C3orf49: variants seen among roughly 807,000 people sequenced by gnomAD.
C3orf49 encodes chromosome 3 open reading frame 49, also known as putative uncharacterized protein C3orf49.
Under a neutral mutation model 13.3 loss-of-function variants are expected in C3orf49, and 27 were observed. The observed-to-expected ratio is 2.02, with a 90% CI of 1.49 to 2.79. C3orf49 has a LOEUF of 2.79. Among genes scored for constraint, C3orf49 ranks in the 30% most tolerant of loss-of-function variants. C3orf49 has a pLI of 0.00. For synonymous variants in C3orf49, 87 were observed against 47.6 expected, an observed-to-expected ratio of 1.83 and a Z score of -3.40; for missense variants, 242 against 134.2, an observed-to-expected ratio of 1.80 and a Z score of -3.97.
At chr3:63,822,229 C>G (rs1464031624) in intron 1 of C3orf49, among the ~76,000 whole-genome samples, 1 of 152,186 alleles carries the variant, frequency 6.6e-6, no homozygotes, top group East Asian at 1.9e-4. Flanking sequence ...CCTGCTTCGG[C>G]CTCCCAAAGT....
intron 5 of C3orf49, chr3:63,836,459 G>A: frequency 9.4e-7 from 1 of 1,064,418 alleles, no homozygotes; most frequent in African/African-American, 1.6e-5. Context: ...CACTTTCCTA[G>A]TACATCAAGA....
the C3orf49 span, among the ~76,000 whole-genome samples, chr3:63,791,178 CA>C: frequency 5.3e-5 from 8 of 152,124 alleles, no homozygotes; most frequent in East Asian, 1.5e-3. Flanking sequence ...ACAAAAATGG[CA>C]AAAAGGTATC....
At chr3:63,792,135 C>T in the C3orf49 span, among the ~76,000 whole-genome samples, 1 of 152,188 alleles carries the variant, frequency 6.6e-6, no homozygotes, top group Admixed American at 6.5e-5. Flanking sequence ...AATGATTTAG[C>T]AATGGCATGA....
the C3orf49 span, chr3:63,805,096 TTAA>T: frequency 6.6e-6 from 1 of 152,184 alleles, no homozygotes; most frequent in Non-Finnish European, 1.5e-5. Context: ...AGGATTTGCA[TTAA>T]TAATAACAGG....
the C3orf49 span, among the ~76,000 whole-genome samples, chr3:63,790,432 T>C: frequency 2.0e-5 from 3 of 152,218 alleles, no homozygotes; most frequent in African/African-American, 7.2e-5. Flanking sequence ...ACCTTGGCTA[T>C]ACAATAGAAC....
upstream of C3orf49, among the ~76,000 whole-genome samples, chr3:63,817,806 C>A (rs1003177173): frequency 2.0e-5 from 3 of 152,102 alleles, no homozygotes; most frequent in African/African-American, 7.3e-5. Flanking sequence ...CACACAGAGA[C>A]ATGTACATAG....
chr3:63,833,283 G>T (rs1393598488), intron 5 of C3orf49, among the ~76,000 whole-genome samples: 2 of 151,956 alleles, frequency 1.3e-5, no homozygotes, highest in Non-Finnish European at 2.9e-5. Context: ...TTTTTTAGTA[G>T]AGATGGGGTT....
chr3:63,802,273 T>C, the C3orf49 span, among the ~76,000 whole-genome samples: 2 of 152,220 alleles, frequency 1.3e-5, no homozygotes, highest in Non-Finnish European at 2.9e-5. Context: ...TGGTTTTTGT[T>C]TGACTGCCTG....
intron 5 of C3orf49, chr3:63,834,146 C>A (rs1231991851): frequency 6.8e-6 from 11 of 1,613,992 alleles, no homozygotes; most frequent in African/African-American, 2.7e-5. Context: ...GGCTTAGGAT[C>A]TGTTTCCATG....
At chr3:63,835,330 T>C in intron 5 of C3orf49, 1 of 1,613,604 alleles carries the variant, frequency 6.2e-7, no homozygotes, top group Non-Finnish European at 8.5e-7. Flanking sequence ...ATACCTTATC[T>C]TCAACACTTT....
the C3orf49 span, among the ~76,000 whole-genome samples, chr3:63,806,721 C>T: frequency 6.6e-6 from 1 of 152,104 alleles, no homozygotes; most frequent in Non-Finnish European, 1.5e-5. Flanking sequence ...TTTTAACTTC[C>T]TAACATTCTA....
chr3:63,845,125 C>A, intron 6 of C3orf49, 43 bp downstream of exon 6: 3 of 672,808 alleles, frequency 4.5e-6, no homozygotes, highest in African/African-American at 1.8e-5. Context: ...GTACTATCTC[C>A]TTCATGTAGC....
At chr3:63,839,221 G>A (rs888239062) in intron 5 of C3orf49, among the ~76,000 whole-genome samples, 2 of 152,100 alleles carry the variant, frequency 1.3e-5, no homozygotes, top group African/African-American at 2.4e-5. Flanking sequence ...ACGTGTGTGC[G>A]TGTGTATCAG....
the C3orf49 span, among the ~76,000 whole-genome samples, chr3:63,797,373 G>T: frequency 9.5e-4 from 144 of 152,210 alleles, 6 homozygotes; most frequent in South Asian, 0.03. Flanking sequence ...GTAGGCCTTT[G>T]TCCTGCAGAA....
the C3orf49 span, among the ~76,000 whole-genome samples, chr3:63,807,897 G>GAAATAAAT: frequency 1.4e-4 from 19 of 131,442 alleles, no homozygotes; most frequent in Non-Finnish European, 3.0e-4. Context: ...GAAAGAAAGA[G>GAAATAAAT]AAATAAATAA....
At chr3:63,819,074 G>T (rs1391010453), upstream of C3orf49, among the ~76,000 whole-genome samples, 1 of 152,168 alleles carries the variant, frequency 6.6e-6, no homozygotes, top group Non-Finnish European at 1.5e-5. Context: ...GAATGTGGTG[G>T]TCAATTAGTG....
At chr3:63,817,393 T>C (rs970376943), upstream of C3orf49, among the ~76,000 whole-genome samples, 1 of 152,168 alleles carries the variant, frequency 6.6e-6, no homozygotes, top group Admixed American at 6.5e-5. Flanking sequence ...ATTTTGTGTA[T>C]GTTGTTCACT....
intron 2 of C3orf49, among the ~76,000 whole-genome samples, chr3:63,825,882 C>T (rs73120883): frequency 6.6e-6 from 1 of 152,120 alleles, no homozygotes; most frequent in Non-Finnish European, 1.5e-5. Context: ...GGTGCTCTAA[C>T]TTTAGGGGAG....
intron 5 of C3orf49, among the ~76,000 whole-genome samples, chr3:63,837,564 T>C (rs1419109122): frequency 6.6e-6 from 1 of 152,016 alleles, no homozygotes; most frequent in Non-Finnish European, 1.5e-5. Flanking sequence ...TAAATTCTTT[T>C]CCATTTCATT....
Sources: gnomAD v4.1 joint callset for allele counts (sites outside exome capture counted in the v4.1 genomes callset) on GRCh38, gnomAD v4.1.1 for gene constraint, MANE v1.5 for transcripts, NCBI Gene and HGNC (gene_info 2026-07-23, HGNC 2026-07-21) for gene names.